Variants in RMST observed in about 807,000 individuals in gnomAD.
RMST encodes the protein long intergenic non-protein coding RNA 54.
chr12:97,478,326 C>A (rs947166198), intron 5 of RMST, among the ~76,000 whole-genome samples: 2 of 152,178 alleles, frequency 1.3e-5, no homozygotes, highest in Non-Finnish European at 2.9e-5. Context: ...GATTTAATTT[C>A]TTACATCGTA....
chr12:97,484,296 G>T (rs1041327813), intron 5 of RMST, among the ~76,000 whole-genome samples: 12 of 152,110 alleles, frequency 7.9e-5, no homozygotes, highest in African/African-American at 2.9e-4. Flanking sequence ...ATTTCAAGTA[G>T]ACAGTTCAGA....
intron 11 of RMST, among the ~76,000 whole-genome samples, chr12:97,545,054 T>A (rs1882833937): frequency 6.6e-6 from 1 of 152,142 alleles, no homozygotes; most frequent in Admixed American, 6.6e-5. Flanking sequence ...CTTTTGGATG[T>A]GCCCATGGTT....
chr12:97,482,253 G>A (rs78150719), intron 5 of RMST, among the ~76,000 whole-genome samples: 1,686 of 152,280 alleles, frequency 0.011, 78 homozygotes, highest in Admixed American at 0.091. Flanking sequence ...TTTAGTTTTT[G>A]TGGAGAATAT....
At chr12:97,466,315 CT>C (rs1873182230) in intron 5 of RMST, among the ~76,000 whole-genome samples, 1 of 152,084 alleles carries the variant, frequency 6.6e-6, no homozygotes, top group Admixed American at 6.6e-5. Flanking sequence ...TATGTTAGTG[CT>C]TTATTAACTC....
chr12:97,522,671 G>T (rs1294372737), intron 10 of RMST, among the ~76,000 whole-genome samples: 2 of 151,982 alleles, frequency 1.3e-5, no homozygotes, highest in African/African-American at 4.8e-5. Context: ...AGGTTAAAAA[G>T]GTAATAAAAA....
At chr12:97,538,023 T>A (rs1882202493) in intron 11 of RMST, among the ~76,000 whole-genome samples, 1 of 151,436 alleles carries the variant, frequency 6.6e-6, no homozygotes, top group Admixed American at 6.6e-5. Flanking sequence ...AAGATGAAGA[T>A]GGATAAGCCA....
At chr12:97,476,338 C>T (rs755764100) in intron 5 of RMST, among the ~76,000 whole-genome samples, 28 of 152,230 alleles carry the variant, frequency 1.8e-4, no homozygotes, top group Non-Finnish European at 2.1e-4. Flanking sequence ...CTGATAACTT[C>T]AGCTTCTTCT....
At chr12:97,501,306 A>AGTTAAATG (rs1878048263) in intron 10 of RMST, among the ~76,000 whole-genome samples, 1 of 152,212 alleles carries the variant, frequency 6.6e-6, no homozygotes, top group African/African-American at 2.4e-5. Context: ...ATCTAGGGAA[A>AGTTAAATG]GTTAAATGGA....
At chr12:97,530,495 G>A (rs900248341) in intron 10 of RMST, 1 of 152,096 alleles carries the variant, frequency 6.6e-6, no homozygotes, top group Non-Finnish European at 1.5e-5. Context: ...CTAAGGCAGG[G>A]ATAAAGGGAA....
At chr12:97,525,901 A>C (rs957859229) in intron 10 of RMST, among the ~76,000 whole-genome samples, 1 of 152,058 alleles carries the variant, frequency 6.6e-6, no homozygotes, top group Non-Finnish European at 1.5e-5. Flanking sequence ...CTGTCAGATC[A>C]GTGGTGGCGT....
chr12:97,541,096 A>T (rs1445967324), intron 11 of RMST: 1 of 151,646 alleles, frequency 6.6e-6, no homozygotes, highest in African/African-American at 2.4e-5. Context: ...CTGGAAGTAT[A>T]TAGTACATAC....
At chr12:97,561,507 T>G (rs1884099601) in intron 13 of RMST, among the ~76,000 whole-genome samples, 3 of 152,254 alleles carry the variant, frequency 2.0e-5, no homozygotes, top group Middle Eastern at 6.8e-3. Flanking sequence ...ATCTGAATTT[T>G]CAATTCACAT....
chr12:97,546,990 C>T (rs941781443), intron 11 of RMST, among the ~76,000 whole-genome samples: 1 of 151,892 alleles, frequency 6.6e-6, no homozygotes, highest in African/African-American at 2.4e-5. Context: ...CCATTTTTCT[C>T]TATCTTTCTA....
intron 11 of RMST, chr12:97,552,243 C>G (rs1430132186): frequency 1.3e-5 from 2 of 152,124 alleles, no homozygotes; most frequent in African/African-American, 4.8e-5. Flanking sequence ...ATATAATAAG[C>G]CAGCTTGATG....
At chr12:97,522,135 A>G (rs1206807814) in intron 10 of RMST, among the ~76,000 whole-genome samples, 1 of 152,230 alleles carries the variant, frequency 6.6e-6, no homozygotes, top group African/African-American at 2.4e-5. Flanking sequence ...ATAAGTCCCT[A>G]AAAGTTCCAA....
Position 97,479,213 on chromosome 12 carries a change from C to T in RMST, n.645-13248C>T, listed in dbSNP as rs140103672. 5.9e-4 allele frequency among the ~76,000 whole-genome samples: 88 copies of T among 148,300 alleles called. No homozygotes were observed. The East Asian group carries it at 6.2e-3, about 10-fold the overall frequency. On this transcript the variant is annotated intron_variant and non_coding_transcript_variant, in intron 5 of 13. Transcript: ENST00000640149. ...GGAGTGCAGTGGCACAGTCATAGCC[C>T]GCTGCAGCCTCAAACTCCTGGGCTC...
At chr12:97,532,008 C>T (rs1042403040) in intron 11 of RMST, among the ~76,000 whole-genome samples, 5 of 151,818 alleles carry the variant, frequency 3.3e-5, no homozygotes, top group Non-Finnish European at 7.4e-5. Context: ...AAAAATGAAT[C>T]ATTTTATGGC....
intron 11 of RMST, among the ~76,000 whole-genome samples, chr12:97,538,145 A>ACC (rs113887553): frequency 5.3e-5 from 8 of 151,210 alleles, no homozygotes; most frequent in Admixed American, 5.3e-4. Context: ...TTCCTTTTGC[A>ACC]CCCCCCAAAA....
chr12:97,467,884 T>A (rs1702982222), intron 5 of RMST, among the ~76,000 whole-genome samples: 1 of 152,016 alleles, frequency 6.6e-6, no homozygotes, highest in Non-Finnish European at 1.5e-5. Context: ...TTGAATTGGC[T>A]TTGGTATGTT....
Sources: gnomAD v4.1 joint callset for allele counts (sites outside exome capture counted in the v4.1 genomes callset) on GRCh38, gnomAD v4.1.1 for gene constraint, MANE v1.5 for transcripts, NCBI Gene and HGNC (gene_info 2026-07-23, HGNC 2026-07-21) for gene names.